The following INPP5F variants were observed in gnomAD, a reference collection of about 807,000 sequenced individuals.
INPP5F encodes phosphatidylinositide 4-phosphatase SAC2.
In INPP5F, 97 loss-of-function variants were observed where a neutral mutation model predicts 137.2. The observed-to-expected ratio is 0.71, with a 90% CI of 0.60 to 0.84. The LOEUF (loss-of-function observed/expected upper bound fraction) is 0.84, where lower values mean the gene tolerates loss of function less well. Ranked by LOEUF, INPP5F falls within the 40% of genes least tolerant of loss-of-function variation. The pLI is 0.00. For synonymous variants in INPP5F, 504 were observed against 476.9 expected, an observed-to-expected ratio of 1.06 and a Z score of -0.74; for missense variants, 1,271 against 1,371.9, an observed-to-expected ratio of 0.93 and a Z score of 1.16.
chr10:119,771,845 GATATATATATATATATAT>G (rs374132653), intron 2 of INPP5F, among the ~76,000 whole-genome samples: 12 of 32,796 alleles, frequency 3.7e-4, no homozygotes, highest in Admixed American at 1.9e-3. Flanking sequence ...AAAGTATGGA[GATATATATATATATATAT>G]ATATATATAT....
chr10:119,819,731 T>C (rs765681642), intron 15 of INPP5F: 3 of 409,712 alleles, frequency 7.3e-6, no homozygotes, highest in Non-Finnish European at 1.3e-5. Context: ...TGATATATTA[T>C]TGTACGTGCA....
chr10:119,767,218 G>A (rs1849200828), intron 2 of INPP5F, among the ~76,000 whole-genome samples: 2 of 151,094 alleles, frequency 1.3e-5, no homozygotes, highest in South Asian at 4.2e-4. Context: ...ATGGAAAGGG[G>A]AAATAGTAAA....
chr10:119,755,195 T>C (rs1848803317), intron 2 of INPP5F, among the ~76,000 whole-genome samples: 1 of 152,198 alleles, frequency 6.6e-6, no homozygotes, highest in Non-Finnish European at 1.5e-5. Context: ...TTTGCTGTCA[T>C]AGCAAAGTGC....
chr10:119,761,721 T>C (rs1398482541), intron 2 of INPP5F, among the ~76,000 whole-genome samples: 1 of 152,148 alleles, frequency 6.6e-6, no homozygotes, highest in Non-Finnish European at 1.5e-5. Context: ...CACGTTCTGT[T>C]CACTTAAAAG....
chr10:119,826,542 T>TTGAATAACTGTTTTCACTTATG (rs1851767066), intron 19 of INPP5F, 89 bp from the exon 20 acceptor site: 1 of 1,087,984 alleles, frequency 9.2e-7, no homozygotes, highest in Non-Finnish European at 1.3e-6. Context: ...TGGGACCAAT[T>TTGAATAACTGTTTTCACTTATG]TGAATAACTG....
intron 6 of INPP5F, among the ~76,000 whole-genome samples, chr10:119,795,402 G>GAT (rs1290372418): frequency 1.3e-5 from 2 of 150,646 alleles, no homozygotes; most frequent in African/African-American, 4.9e-5. Flanking sequence ...CTTCTCAGAT[G>GAT]GGGCGGCCGG....
At chr10:119,821,371 C>T (rs10787993) in intron 16 of INPP5F, among the ~76,000 whole-genome samples, 27,564 of 151,094 alleles carry the variant, frequency 0.18, 3,063 homozygotes, top group East Asian at 0.4. Flanking sequence ...CATGTGCCTG[C>T]GCACTTCTTT....
intron 6 of INPP5F, among the ~76,000 whole-genome samples, chr10:119,793,306 T>C (rs983362780): frequency 2.0e-5 from 3 of 152,200 alleles, no homozygotes; most frequent in African/African-American, 7.2e-5. Context: ...ATACAAATAA[T>C]GGGAATGGTG....
chr10:119,738,492 C>T (rs1848279007), intron 1 of INPP5F, among the ~76,000 whole-genome samples: 1 of 152,152 alleles, frequency 6.6e-6, no homozygotes, highest in South Asian at 2.1e-4. Flanking sequence ...CCTTCTGCCC[C>T]CAGAGTAGCC....
intron 1 of INPP5F, among the ~76,000 whole-genome samples, chr10:119,746,211 C>T (rs1848528171): frequency 6.6e-6 from 1 of 152,190 alleles, no homozygotes; most frequent in Non-Finnish European, 1.5e-5. Flanking sequence ...CATACCAGAA[C>T]AAATCTTGTA....
In INPP5F at chr10:119,765,741, CTGTGTGTGTGTGTGTGTGTG is replaced by C. The variant is rs34906556; in HGVS notation, c.178+14609_178+14628del. 4.0e-3 allele frequency among the ~76,000 whole-genome samples: 514 copies of C among 127,694 alleles called. 6 individuals are homozygous for C. The highest frequency in any genetic ancestry group is 0.015 in the African/African-American group (488 of 33,222). 83.8% of individuals were successfully genotyped at this position (127,694 alleles called of 152,430 possible). ...AACTCCTGCATTGTTCAAGGGTAAACTGTGTGTGTGTGTGTGTGTGTGTGTGTGTGTGTGTGTGTGTGTAT... is the reference window on the plus strand; with the variant it reads ...AACTCCTGCATTGTTCAAGGGTAAACTGTGTGTGTGTGTGTGTGTGTGTAT... On this transcript the variant is annotated intron_variant, in intron 2 of 19. Coordinates refer to ENST00000650623, the MANE Select transcript of INPP5F (RefSeq NM_014937.4).
chr10:119,826,761 A>C lies in INPP5F; in HGVS notation c.2380A>C (p.Asn794His). Residue 794 changes from asparagine (N) to histidine (H), a missense_variant, in exon 20 of 20, where the codon AAT becomes CAT. By Grantham distance (68) the Asn-to-His change is moderately conservative. Around this residue, in one of 6 missense-constraint regions of INPP5F, gnomAD observed 490 missense variants for 443.7 expected, o/e 1.10. Transcript: ENST00000650623. The part of the protein sequence containing the change: ...LNQKVKQTKS[N>H]VNIGNLRKLG... ...TCAAAAAGTGAAGCAGACCAAATCCAATGTAAATATTGGCAACCTCCGAAA... is the reference window on the plus strand; with the variant it reads ...TCAAAAAGTGAAGCAGACCAAATCCCATGTAAATATTGGCAACCTCCGAAA... 1 of 1,613,980 alleles carries C rather than the reference A, an allele frequency of 6.2e-7. No individual in the cohort carries two copies. The highest frequency in any genetic ancestry group is 1.1e-5 in the South Asian group (1 of 90,988).
chr10:119,805,506 T>G, intron 11 of INPP5F, 45 bp downstream of exon 11: 1 of 1,272,208 alleles, frequency 7.9e-7, no homozygotes, highest in Non-Finnish European at 1.1e-6. Context: ...CTGGGATCTG[T>G]AAAATAGTAC....
chr10:119,744,246 C>A (rs2134114900), intron 1 of INPP5F, among the ~76,000 whole-genome samples: 1 of 152,316 alleles, frequency 6.6e-6, no homozygotes, highest in South Asian at 2.1e-4. Context: ...TTCAAGCACA[C>A]ATAGAACACT....
intron 3 of INPP5F, among the ~76,000 whole-genome samples, chr10:119,784,711 A>G (rs1201050996): frequency 6.6e-6 from 1 of 152,232 alleles, no homozygotes; most frequent in African/African-American, 2.4e-5. Context: ...CCATAATTCA[A>G]ATACCTTACA....
At chr10:119,767,364 CAAAT>C (rs1564816982) in intron 2 of INPP5F, among the ~76,000 whole-genome samples, 2 of 152,098 alleles carry the variant, frequency 1.3e-5, no homozygotes, top group East Asian at 3.8e-4. Flanking sequence ...TGGAAAAGTA[CAAAT>C]TTACATTAGG....
intron 19 of INPP5F, among the ~76,000 whole-genome samples, chr10:119,825,481 G>A (rs531725309): frequency 2.6e-5 from 4 of 152,202 alleles, no homozygotes; most frequent in East Asian, 1.9e-4. Context: ...AAGTATTTAC[G>A]TAGGTGGTAT....
Position 119,822,913 on chromosome 10 carries a change from G to A in INPP5F, c.2033-158G>A, listed in dbSNP as rs1020010033. ...AGCTTAAATGATTGAAATTGAAAGA[G>A]TTCTTCTAGCCTTATCAAACCAAAT... On this transcript the variant is annotated intron_variant, in intron 17 of 19. Coordinates refer to ENST00000650623, the MANE Select transcript of INPP5F (RefSeq NM_014937.4). Among the ~76,000 whole-genome samples, 8 of 152,310 alleles carry A rather than the reference G, an allele frequency of 5.3e-5. No homozygotes were observed. The South Asian group carries it at 1.7e-3, about 32-fold the overall frequency.
chr10:119,778,363 A>G (rs975481481), intron 2 of INPP5F, among the ~76,000 whole-genome samples: 2 of 152,178 alleles, frequency 1.3e-5, no homozygotes, highest in Non-Finnish European at 2.9e-5. Context: ...TTATTTTTCT[A>G]TAATAAATTC....
Sources: allele counts gnomAD v4.1 joint callset (sites outside exome capture counted in the v4.1 genomes callset), GRCh38; gene constraint gnomAD v4.1.1; regional missense constraint gnomAD v4.1.1; transcripts MANE v1.5; gene names NCBI Gene and HGNC (gene_info 2026-07-23, HGNC 2026-07-21).